STK32B: variants seen among roughly 807,000 people sequenced by gnomAD.
STK32B encodes serine/threonine-protein kinase 32B.
In STK32B, 43 loss-of-function variants were observed where a neutral mutation model predicts 52.6. That is an observed-to-expected ratio of 0.82 (90% CI 0.64 to 1.05). The LOEUF is 1.05. STK32B is among the 50% of genes least tolerant of loss of function. The pLI is 0.00. For missense variants in STK32B, 621 were observed against 534.6 expected (o/e 1.16, Z -1.59); for synonymous variants, 238 against 204.3 (o/e 1.17, Z -1.41).
intron 4 of STK32B, among the ~76,000 whole-genome samples, chr4:5,358,202 A>G (rs1734304439): frequency 6.6e-6 from 1 of 152,230 alleles, no homozygotes. Flanking sequence ...GAGAGTGTTT[A>G]TGTTAGATAA....
At chr4:5,360,641 G>A (rs1258260293) in intron 4 of STK32B, among the ~76,000 whole-genome samples, 1 of 152,094 alleles carries the variant, frequency 6.6e-6, no homozygotes, top group East Asian at 1.9e-4. Flanking sequence ...GAATAAAGAT[G>A]TGGGGTTTTT....
chr4:5,076,756 G>T (rs189217263), intron 1 of STK32B, among the ~76,000 whole-genome samples: 1 of 152,142 alleles, frequency 6.6e-6, no homozygotes, highest in African/African-American at 2.4e-5. Flanking sequence ...GATAAACTTC[G>T]CATGTATAAA....
intron 1 of STK32B, among the ~76,000 whole-genome samples, chr4:5,089,627 G>A (rs566248031): frequency 1.3e-5 from 2 of 152,002 alleles, no homozygotes; most frequent in Admixed American, 6.6e-5. Flanking sequence ...TGGTATTGTA[G>A]CTAGTGTGTA....
chr4:5,363,762 T>A (rs62297297), intron 4 of STK32B, among the ~76,000 whole-genome samples: 7,324 of 152,264 alleles, frequency 0.048, 471 homozygotes, highest in Admixed American at 0.18. Flanking sequence ...TTGTGACACA[T>A]GTCCTCTTAC....
In STK32B at chr4:5,333,958, A is replaced by G. The variant is rs1015556822; in HGVS notation, c.434+2565A>G. Among the ~76,000 whole-genome samples the G allele has an allele frequency of 6.0e-4, 92 of 152,180 alleles. 1 individual carries two copies. Among genetic ancestry groups the G allele is most frequent in the Non-Finnish European group, 1.1e-3 (78 of 67,976 alleles). On this transcript the variant is annotated intron_variant, in intron 4 of 11. Transcript: ENST00000282908. ...GGCTTAGGATTGACTTGGCGATGCG[A>G]GCTCTTTTTTGGTTCCATATGAACT...
In STK32B at chr4:5,416,830, T is replaced by A. The variant is rs1425728686; in HGVS notation, c.473-15T>A. 2 of 1,611,960 alleles carry A rather than the reference T, an allele frequency of 1.2e-6. No homozygotes were observed. The highest frequency in any genetic ancestry group is 2.7e-5 in the African/African-American group (2 of 74,900). On this transcript the variant is annotated splice_polypyrimidine_tract_variant and intron_variant, in intron 5 of 11. Transcript: ENST00000282908. The stretch of plus-strand genomic sequence containing the variant: ...CAGCCCACGCTAACTGGAGTTTCTG[T>A]TTCTGTATTTGCAGGACATGTTCAC...
At chr4:5,159,858 G>T (rs1021407130) in intron 2 of STK32B, among the ~76,000 whole-genome samples, 1 of 151,322 alleles carries the variant, frequency 6.6e-6, no homozygotes, top group Non-Finnish European at 1.5e-5. Context: ...TATGGAAGCT[G>T]CCAAATGCAA....
chr4:5,110,370 A>C (rs1485570248), intron 1 of STK32B, among the ~76,000 whole-genome samples: 1 of 152,072 alleles, frequency 6.6e-6, no homozygotes, highest in Admixed American at 6.6e-5. Context: ...TTATACTACC[A>C]GGCCATGGTA....
chr4:5,205,705 T>TGC (rs1381915924), intron 3 of STK32B, among the ~76,000 whole-genome samples: 2 of 95,542 alleles, frequency 2.1e-5, no homozygotes, highest in African/African-American at 7.0e-5. Flanking sequence ...CGCGCGCGCG[T>TGC]GTGTGTGTGT....
intron 3 of STK32B, among the ~76,000 whole-genome samples, chr4:5,168,686 GA>G (rs1469401226): frequency 1.4e-4 from 21 of 152,184 alleles, no homozygotes; most frequent in Non-Finnish European, 2.4e-4. Context: ...AAAATAAATG[GA>G]GAAGTGTTTT....
chr4:5,392,438 T>C (rs1420345660), intron 4 of STK32B, among the ~76,000 whole-genome samples: 1 of 151,950 alleles, frequency 6.6e-6, no homozygotes, highest in Non-Finnish European at 1.5e-5. Context: ...AAAATAATAA[T>C]TAATTAATTT....
intron 3 of STK32B, among the ~76,000 whole-genome samples, chr4:5,211,962 A>G (rs939398347): frequency 7.9e-5 from 12 of 152,172 alleles, no homozygotes; most frequent in African/African-American, 2.9e-4. Flanking sequence ...GACAACGTTG[A>G]GAGTTAAGAC....
At chr4:5,390,007 G>C (rs1433740723) in intron 4 of STK32B, among the ~76,000 whole-genome samples, 5 of 152,210 alleles carry the variant, frequency 3.3e-5, no homozygotes, top group African/African-American at 1.2e-4. Context: ...AACCTACAAA[G>C]GCAAAGAACA....
At chr4:5,358,534 G>A (rs899747324) in intron 4 of STK32B, among the ~76,000 whole-genome samples, 2 of 152,006 alleles carry the variant, frequency 1.3e-5, no homozygotes, top group Non-Finnish European at 2.9e-5. Flanking sequence ...TAATGGGAAC[G>A]TTTCAAAGCT....
the STK32B span, among the ~76,000 whole-genome samples, chr4:5,042,767 C>G: frequency 6.6e-6 from 1 of 152,136 alleles, no homozygotes; most frequent in South Asian, 2.1e-4. Context: ...TGATCCCGTC[C>G]CTGACAAAAA....
chr4:5,108,186 G>A (rs1445752455), intron 1 of STK32B, among the ~76,000 whole-genome samples: 1 of 152,196 alleles, frequency 6.6e-6, no homozygotes, highest in African/African-American at 2.4e-5. Flanking sequence ...GATGTGACCT[G>A]TACTGATTCA....
chr4:5,026,349 G>GAATTTATA, the STK32B span, among the ~76,000 whole-genome samples: 1 of 152,134 alleles, frequency 6.6e-6, no homozygotes, highest in South Asian at 2.1e-4. Flanking sequence ...CCCAAGACTG[G>GAATTTATA]GTAATTTATA....
intron 4 of STK32B, among the ~76,000 whole-genome samples, chr4:5,339,024 G>T (rs1317881091): frequency 1.3e-5 from 2 of 152,156 alleles, no homozygotes; most frequent in Non-Finnish European, 2.9e-5. Flanking sequence ...CTGAGGGCCT[G>T]AATAGAATGA....
chr4:5,257,818 C>T (rs766506488), intron 3 of STK32B, among the ~76,000 whole-genome samples: 3 of 152,218 alleles, frequency 2.0e-5, no homozygotes, highest in Non-Finnish European at 4.4e-5. Context: ...CGGCATGGGC[C>T]TGTAATCCCA....
Sources: gnomAD v4.1 joint callset for allele counts (sites outside exome capture counted in the v4.1 genomes callset) on GRCh38, gnomAD v4.1.1 for gene constraint, MANE v1.5 for transcripts, NCBI Gene and HGNC (gene_info 2026-07-23, HGNC 2026-07-21) for gene names.